WASHC5: variants seen among roughly 807,000 people sequenced by gnomAD.
The protein encoded by WASHC5 is WASH complex subunit 5.
In WASHC5, 101 loss-of-function variants were observed where a neutral mutation model predicts 150.4. The observed-to-expected ratio is 0.67, with a 90% CI of 0.57 to 0.79. WASHC5 has a LOEUF of 0.79. WASHC5 is among the 30% of genes least tolerant of loss of function. The pLI is 0.00. For synonymous variants in WASHC5, 467 were observed against 491.2 expected, an observed-to-expected ratio of 0.95 and a Z score of 0.65; for missense variants, 1,195 against 1,396.3, an observed-to-expected ratio of 0.86 and a Z score of 2.30.
intron 18 of WASHC5, among the ~76,000 whole-genome samples, chr8:125,050,283 T>G (rs1484681642): frequency 2.0e-5 from 3 of 152,086 alleles, no homozygotes; most frequent in African/African-American, 7.2e-5. Context: ...TAAAATCAGT[T>G]TAATTCTGAA....
Position 125,083,261 on chromosome 8 carries a change from G to A in WASHC5, c.187-3C>T, listed in dbSNP as rs16900368. 0.051 allele frequency: 81,825 copies of A among 1,606,560 alleles called. 7,571 individuals carry two copies. Among genetic ancestry groups the A allele is most frequent in the African/African-American group, 0.39 (28,648 of 74,358 alleles). The stretch of plus-strand genomic sequence containing the variant: ...TTGCTTTCCCATAATTCTGGACCCT[G>A]AGAAAAAAAAACACATGTGAAATGT... On this transcript the variant is annotated splice_region_variant and splice_polypyrimidine_tract_variant and intron_variant, in intron 2 of 28. Coordinates refer to ENST00000318410, the MANE Select transcript of WASHC5 (RefSeq NM_014846.4).
At chr8:125,081,968 T>C (rs1282268153) in intron 4 of WASHC5, among the ~76,000 whole-genome samples, 2 of 152,282 alleles carry the variant, frequency 1.3e-5, no homozygotes, top group East Asian at 3.8e-4. Context: ...TAATTCATAG[T>C]GATAATTTTT....
chr8:125,082,247 T>C, intron 4 of WASHC5, 136 bp downstream of exon 4: 2 of 642,954 alleles, frequency 3.1e-6, no homozygotes, highest in Non-Finnish European at 5.6e-6. Context: ...GACCTGCCAG[T>C]TAGAAGATAA....
intron 28 of WASHC5, among the ~76,000 whole-genome samples, chr8:125,027,796 T>A (rs1247285139): frequency 6.6e-6 from 1 of 152,196 alleles, no homozygotes; most frequent in Non-Finnish European, 1.5e-5. Context: ...AGACAATTAA[T>A]CTCAAATAAT....
At chr8:125,066,880 C>A (rs1357427171) in intron 10 of WASHC5, among the ~76,000 whole-genome samples, 4 of 152,360 alleles carry the variant, frequency 2.6e-5, no homozygotes, top group Non-Finnish European at 4.4e-5. Context: ...CTTCCCCAGG[C>A]CCCTTCAGAA....
At chr8:125,045,371 C>A (rs1452937609) in intron 20 of WASHC5, among the ~76,000 whole-genome samples, 1 of 152,196 alleles carries the variant, frequency 6.6e-6, no homozygotes, top group Admixed American at 6.5e-5. Context: ...GGAATACAAA[C>A]CATTTCATCC....
In WASHC5 at chr8:125,057,553, T is replaced by C; in HGVS notation, c.1875+3A>G. ...GTAAATATCACCCTGATGCATTTCT[T>C]ACTTTTCTCACATAGGATACCAACT... On this transcript the variant is annotated splice_donor_region_variant and intron_variant, in intron 15 of 28. Transcript: ENST00000318410. The C allele has an allele frequency of 6.3e-7, 1 of 1,581,354 alleles. No homozygotes were observed. Among genetic ancestry groups the C allele is most frequent in the Non-Finnish European group, 8.7e-7 (1 of 1,151,084 alleles).
At position 125,078,794 on chromosome 8, in the gene WASHC5, C is replaced by T. The variant is rs143719918; in HGVS notation, c.655G>A (p.Glu219Lys). 376 of 1,613,916 alleles carry T rather than the reference C, an allele frequency of 2.3e-4. 2 individuals are homozygous for T. In the African/African-American group the frequency reaches 4.5e-3, roughly 19 times the overall value. The change falls in exon 6 of 29, where the codon GAA becomes AAA. Residue 219 changes from glutamate (E) to lysine (K), a missense_variant. Glu to Lys is a moderately conservative substitution (Grantham distance 56). Coordinates refer to ENST00000318410, the MANE Select transcript of WASHC5 (RefSeq NM_014846.4). Reference protein sequence around the residue: ...ESYFQRVPINESFISMVIGRL... With the variant: ...ESYFQRVPINKSFISMVIGRL... The stretch of plus-strand genomic sequence containing the variant: ...CCAATGACCATACTGATGAAGGATT[C>T]GTTGATAGGCACTCTCTGGAAATAG...
intron 4 of WASHC5, among the ~76,000 whole-genome samples, chr8:125,082,165 G>A (rs1409788279): frequency 6.6e-6 from 1 of 152,168 alleles, no homozygotes. Context: ...ACACCGAGGA[G>A]GCTCATAACT....
At chr8:125,054,819 C>CAA (rs111810991) in intron 17 of WASHC5, among the ~76,000 whole-genome samples, 15,613 of 130,828 alleles carry the variant, frequency 0.12, 1,156 homozygotes, top group Non-Finnish European at 0.19. Flanking sequence ...ACCCTTGTCT[C>CAA]AAAAAAAAAA....
intron 27 of WASHC5, among the ~76,000 whole-genome samples, chr8:125,029,882 G>C (rs1470855218): frequency 6.6e-6 from 1 of 152,198 alleles, no homozygotes; most frequent in Non-Finnish European, 1.5e-5. Flanking sequence ...GGTTAAGAAT[G>C]ACTGTACCTG....
At chr8:125,042,068 T>C (rs980430937) in intron 23 of WASHC5, among the ~76,000 whole-genome samples, 1 of 152,202 alleles carries the variant, frequency 6.6e-6, no homozygotes, top group Non-Finnish European at 1.5e-5. Context: ...TACTGCACAA[T>C]GAATCTTTGT....
intron 5 of WASHC5, among the ~76,000 whole-genome samples, chr8:125,080,326 G>A (rs552737702): frequency 2.0e-5 from 3 of 152,238 alleles, no homozygotes; most frequent in Non-Finnish European, 4.4e-5. Flanking sequence ...GGTACTCTCA[G>A]AAATATAGGA....
At chr8:125,051,301 TAAAAC>T (rs1255140434) in intron 17 of WASHC5, among the ~76,000 whole-genome samples, 1 of 152,372 alleles carries the variant, frequency 6.6e-6, no homozygotes, top group East Asian at 1.9e-4. Context: ...ATCAGATCCA[TAAAAC>T]ATCAAATGAT....
intron 17 of WASHC5, among the ~76,000 whole-genome samples, chr8:125,051,408 A>G (rs1476060225): frequency 6.6e-6 from 1 of 152,228 alleles, no homozygotes; most frequent in Non-Finnish European, 1.5e-5. Context: ...AAGGCAATTA[A>G]TGGGTTCCAT....
At position 125,044,526 on chromosome 8, in the gene WASHC5, A is replaced by G. The variant is rs1815997560; in HGVS notation, c.2667+10T>C. 4.3e-6 allele frequency: 7 copies of G among 1,613,766 alleles called. No homozygotes were observed. The highest frequency in any genetic ancestry group is 5.9e-6 in the Non-Finnish European group (7 of 1,179,780). On this transcript the variant is annotated intron_variant, in intron 21 of 28. Transcript: ENST00000318410. ...TGGCAGAAAACAGGCATGAAAGTCA[A>G]AAGGCTCACCTGTAACTCTTTTACA... is the stretch of plus-strand genomic sequence containing the variant.
At chr8:125,033,325 T>C (rs758999247) in intron 26 of WASHC5, among the ~76,000 whole-genome samples, 13 of 152,104 alleles carry the variant, frequency 8.5e-5, no homozygotes, top group Non-Finnish European at 1.3e-4. Flanking sequence ...CTATGAGTAA[T>C]TGAATAGTCA....
At chr8:125,049,918 C>T (rs1032985390) in intron 18 of WASHC5, among the ~76,000 whole-genome samples, 2 of 151,778 alleles carry the variant, frequency 1.3e-5, no homozygotes, top group African/African-American at 4.8e-5. Flanking sequence ...TTTTGGAATA[C>T]TCATTTCCTA....
chr8:125,055,490 C>T, intron 17 of WASHC5, 101 bp downstream of exon 17: 1 of 787,784 alleles, frequency 1.3e-6, no homozygotes, highest in Non-Finnish European at 2.3e-6. Flanking sequence ...TGTCAAACAG[C>T]CAGATGATGT....
Sources: gnomAD v4.1 joint callset for allele counts (sites outside exome capture counted in the v4.1 genomes callset) on GRCh38, gnomAD v4.1.1 for gene constraint, MANE v1.5 for transcripts, NCBI Gene and HGNC (gene_info 2026-07-23, HGNC 2026-07-21) for gene names.